C3orf70: variants seen among roughly 807,000 people sequenced by gnomAD.
The protein encoded by C3orf70 is UPF0524 protein C3orf70.
In C3orf70, 15 loss-of-function variants were observed where a neutral mutation model predicts 20.7. The observed-to-expected ratio is 0.72, with a 90% CI of 0.48 to 1.11. The LOEUF (loss-of-function observed/expected upper bound fraction) is 1.11. Ranked by LOEUF, C3orf70 falls within the 50% of genes most tolerant of loss-of-function variation. C3orf70 has a pLI of 0.00. For missense variants in C3orf70, 332 were observed against 317.6 expected (o/e 1.05, Z -0.34); for synonymous variants, 161 against 125.7 (o/e 1.28, Z -1.88).
intron 1 of C3orf70, among the ~76,000 whole-genome samples, chr3:185,094,714 G>C (rs896045687): frequency 6.6e-6 from 1 of 152,032 alleles, no homozygotes; most frequent in Admixed American, 6.6e-5. Flanking sequence ...CCAAATAAGG[G>C]TTTCATATAG....
At chr3:185,086,840 AAAC>A (rs1715468464) in intron 1 of C3orf70, among the ~76,000 whole-genome samples, 2 of 152,232 alleles carry the variant, frequency 1.3e-5, no homozygotes, top group Non-Finnish European at 1.5e-5. Flanking sequence ...CCACATAAAA[AAAC>A]AACCTTTAGT....
chr3:185,117,149 T>G (rs993519087), intron 1 of C3orf70, among the ~76,000 whole-genome samples: 4 of 152,210 alleles, frequency 2.6e-5, no homozygotes, highest in African/African-American at 9.7e-5. Flanking sequence ...AATTATTTAT[T>G]TAAACAGAAC....
chr3:185,089,396 C>T (rs1577317970), intron 1 of C3orf70, among the ~76,000 whole-genome samples: 1 of 152,174 alleles, frequency 6.6e-6, no homozygotes, highest in African/African-American at 2.4e-5. Flanking sequence ...CTATTCCCAT[C>T]CTTGACTGAA....
At chr3:185,099,596 A>C (rs1283594348) in intron 1 of C3orf70, among the ~76,000 whole-genome samples, 2 of 152,210 alleles carry the variant, frequency 1.3e-5, no homozygotes, top group Non-Finnish European at 2.9e-5. Context: ...GACCATTGCC[A>C]GCCACTACAA....
Position 185,082,744 on chromosome 3 carries a change from A to G in C3orf70, c.*263T>C. ...CACCGCCTTCAAATCTCCCAGTGAA[A>G]TTAAGGCGGGGTCACAATTCATGAC... On this transcript the variant is annotated 3_prime_UTR_variant, in exon 2 of 2. Coordinates refer to ENST00000335012, the MANE Select transcript of C3orf70 (RefSeq NM_001025266.3). 2.5e-6 allele frequency: 1 copy of G among 403,462 alleles called. No individual in the cohort carries two copies. The highest frequency in any genetic ancestry group is 4.4e-6 in the Non-Finnish European group (1 of 225,708). The allele number at this position is 403,462 out of a possible 1,614,324, so 25.0% of individuals were successfully genotyped here. A position where few individuals can be genotyped will look rare whatever the true frequency, so the allele number is the denominator to read the frequency against.
At chr3:185,111,156 G>GCT (rs1361730107) in intron 1 of C3orf70, among the ~76,000 whole-genome samples, 2 of 152,130 alleles carry the variant, frequency 1.3e-5, no homozygotes. Context: ...TAAATTTTTA[G>GCT]AAGAATACAT....
intron 1 of C3orf70, among the ~76,000 whole-genome samples, chr3:185,149,777 C>T (rs2108608815): frequency 6.6e-6 from 1 of 152,246 alleles, no homozygotes; most frequent in South Asian, 2.1e-4. Context: ...TGAGCTGCTG[C>T]CAGTGGAGGA....
At chr3:185,099,895 A>AAGC (rs980950112) in intron 1 of C3orf70, among the ~76,000 whole-genome samples, 1 of 152,196 alleles carries the variant, frequency 6.6e-6, no homozygotes, top group African/African-American at 2.4e-5. Flanking sequence ...AAAACAGAAA[A>AAGC]AGCAGGGGAT....
chr3:185,085,488 A>G (rs1715440681), intron 1 of C3orf70, among the ~76,000 whole-genome samples: 1 of 152,152 alleles, frequency 6.6e-6, no homozygotes, highest in Admixed American at 6.5e-5. Context: ...GTACCATATG[A>G]AAAAAGTACA....
intron 1 of C3orf70, among the ~76,000 whole-genome samples, chr3:185,092,797 C>G (rs887540677): frequency 6.6e-6 from 1 of 151,994 alleles, no homozygotes; most frequent in African/African-American, 2.4e-5. Flanking sequence ...TCGAGACCAT[C>G]CTGGCCAACA....
intron 1 of C3orf70, among the ~76,000 whole-genome samples, chr3:185,138,355 C>T (rs1370595525): frequency 2.6e-5 from 4 of 151,516 alleles, no homozygotes; most frequent in Non-Finnish European, 4.4e-5. Flanking sequence ...CAGTTCTGCA[C>T]ATTTTCATCG....
At chr3:185,133,517 CG>C (rs1716562162) in intron 1 of C3orf70, among the ~76,000 whole-genome samples, 1 of 151,962 alleles carries the variant, frequency 6.6e-6, no homozygotes, top group Non-Finnish European at 1.5e-5. Flanking sequence ...CCGAGGCAGG[CG>C]GATCACCTGA....
At chr3:185,103,683 T>C (rs73885692) in intron 1 of C3orf70, among the ~76,000 whole-genome samples, 7,873 of 152,172 alleles carry the variant, frequency 0.052, 656 homozygotes, top group African/African-American at 0.18. Context: ...AAAAATCATT[T>C]AGGTAAACAG....
intron 1 of C3orf70, among the ~76,000 whole-genome samples, chr3:185,097,801 C>T (rs565981174): frequency 5.9e-5 from 9 of 152,300 alleles, no homozygotes; most frequent in East Asian, 3.9e-4. Flanking sequence ...TCACATGTGA[C>T]GTTCTAGACA....
intron 1 of C3orf70, among the ~76,000 whole-genome samples, chr3:185,106,697 G>A (rs1049089779): frequency 3.3e-5 from 5 of 152,238 alleles, no homozygotes; most frequent in Admixed American, 6.5e-5. Context: ...CGCCACAGCC[G>A]GTAGTGCCGC....
intron 1 of C3orf70, among the ~76,000 whole-genome samples, chr3:185,087,345 CAG>C (rs769446540): frequency 9.9e-5 from 15 of 152,134 alleles, no homozygotes; most frequent in Admixed American, 3.3e-4. Context: ...GAATGGAAAG[CAG>C]AGTCTCAGGG....
chr3:185,100,069 C>T (rs908802957), intron 1 of C3orf70, among the ~76,000 whole-genome samples: 1 of 152,082 alleles, frequency 6.6e-6, no homozygotes, highest in African/African-American at 2.4e-5. Flanking sequence ...TTCTTAGAGA[C>T]CTAAAGAGAC....
chr3:185,096,867 A>G (rs1332273167), intron 1 of C3orf70, among the ~76,000 whole-genome samples: 3 of 152,280 alleles, frequency 2.0e-5, no homozygotes, highest in Middle Eastern at 3.4e-3. Flanking sequence ...TGCACTGCAG[A>G]GGGCCGCTTC....
intron 1 of C3orf70, among the ~76,000 whole-genome samples, chr3:185,123,718 ATATT>A (rs1423097223): frequency 6.6e-6 from 1 of 152,122 alleles, no homozygotes; most frequent in Non-Finnish European, 1.5e-5. Context: ...CTATACCTGA[ATATT>A]TATGATTACA....
Sources: allele counts gnomAD v4.1 joint callset (sites outside exome capture counted in the v4.1 genomes callset), GRCh38; gene constraint gnomAD v4.1.1; transcripts MANE v1.5; gene names NCBI Gene and HGNC (gene_info 2026-07-23, HGNC 2026-07-21).